The following PPP1R9B variants were observed in gnomAD, a reference collection of about 807,000 sequenced individuals.
The protein encoded by PPP1R9B is protein phosphatase 1 regulatory subunit 9B.
Under a neutral mutation model 75.8 loss-of-function variants are expected in PPP1R9B, and 17 were observed. The observed-to-expected ratio is 0.22, with a 90% CI of 0.15 to 0.34. The LOEUF (loss-of-function observed/expected upper bound fraction) is 0.34. Among genes scored for constraint, PPP1R9B ranks in the 10% least tolerant of loss-of-function variants. The pLI, the probability that PPP1R9B is intolerant of heterozygous loss-of-function variation, is 1.00. For missense variants in PPP1R9B, 875 were observed against 1,196.0 expected (o/e 0.73, Z 3.96); for synonymous variants, 509 against 535.4 (o/e 0.95, Z 0.68).
intron 1 of PPP1R9B, chr17:50,146,127 C>T (rs1912512532): frequency 6.6e-6 from 1 of 152,466 alleles, no homozygotes; most frequent in Non-Finnish European, 1.5e-5. Context: ...TCTCCTGTAC[C>T]CCTCTGTTGT....
rs1024207306 is a variant in PPP1R9B at position 50,150,281 on chromosome 17, G to A, written c.233C>T (p.Ala78Val). Residue 78 changes from alanine (A) to valine (V), a missense_variant, in exon 1 of 10, where the codon GCG becomes GTG. Physicochemically the swap from Ala to Val is moderately conservative, Grantham distance 64. Transcript: ENST00000612501. The surrounding 1 kb of genome is among the most constrained non-coding windows in gnomAD (Gnocchi z 8.7). ...CGCCCGTGGGGCCTCGGCCAGGCCC[G>A]CGCCGCCGCCCGCCTCGCCCGAGGG... ...AGPSGEAGGG[A>V]GLAEAPRASE... 1.4e-6 allele frequency: 2 copies of A among 1,420,236 alleles called. No homozygotes were observed. Among genetic ancestry groups the A allele is most frequent in the Non-Finnish European group, 9.2e-7 (1 of 1,084,690 alleles). The allele number at this position is 1,420,236 out of a possible 1,614,324, so 88.0% of individuals were successfully genotyped here.
At chr17:50,145,640 G>A (rs1311601586) in intron 1 of PPP1R9B, among the ~76,000 whole-genome samples, 1 of 152,022 alleles carries the variant, frequency 6.6e-6, no homozygotes, top group Non-Finnish European at 1.5e-5. Context: ...CACAAAGACA[G>A]ACACAGAGAG....
chr17:50,149,112 G>C lies in PPP1R9B; in HGVS notation c.1371+31C>G. The C allele has an allele frequency of 7.3e-7, 1 of 1,376,720 alleles. No individual in the cohort carries two copies. The highest frequency in any genetic ancestry group is 9.4e-7 in the Non-Finnish European group (1 of 1,062,036). The allele number at this position is 1,376,720 out of a possible 1,614,324, so 85.3% of individuals were successfully genotyped here. On this transcript the variant is annotated intron_variant, in intron 1 of 9. Coordinates refer to ENST00000612501, the MANE Select transcript of PPP1R9B (RefSeq NM_032595.5). The surrounding 1 kb of genome is among the most constrained non-coding windows in gnomAD (Gnocchi z 7.2). Reference sequence around the variant, plus strand: ...CGGCCGCGTGCACGTGGCAGGGGCGGCGCGGGGGCAGGGCGGGGGGGCTCA... The same window carrying C: ...CGGCCGCGTGCACGTGGCAGGGGCGCCGCGGGGGCAGGGCGGGGGGGCTCA...
At position 50,139,586 on chromosome 17, in the gene PPP1R9B, G is replaced by A. The variant is rs201203469; in HGVS notation, c.1867-5C>T. 249 of 1,538,632 alleles carry A rather than the reference G, an allele frequency of 1.6e-4. No homozygotes were observed. Among genetic ancestry groups the A allele is most frequent in the Middle Eastern group, 7.1e-4 (4 of 5,670 alleles). ...GTCAGTGGCATACTCTCCCGTCTGCGAAGGGAGACCGGAGACTGTGGGCCC... is the reference window on the plus strand; with the variant it reads ...GTCAGTGGCATACTCTCCCGTCTGCAAAGGGAGACCGGAGACTGTGGGCCC... On this transcript the variant is annotated splice_region_variant and splice_polypyrimidine_tract_variant and intron_variant, in intron 5 of 9. Coordinates refer to ENST00000612501, the MANE Select transcript of PPP1R9B (RefSeq NM_032595.5). The surrounding 1 kb of genome is among the most constrained non-coding windows in gnomAD (Gnocchi z 5.0).
rs369039380 is a variant in PPP1R9B, at chr17:50,141,413, G to A, written c.1626-40C>T. On this transcript the variant is annotated intron_variant, in intron 3 of 9. Coordinates refer to ENST00000612501, the MANE Select transcript of PPP1R9B (RefSeq NM_032595.5). ...TTGGTTAAGGGGTCACAGGGGAACC[G>A]AGGAGCGAGGGTAGAGGTAGCCTCC... 2.4e-5 allele frequency: 34 copies of A among 1,411,906 alleles called. No homozygotes were observed. The Admixed American group carries it at 3.2e-4, about 13-fold the overall frequency. The allele number at this position is 1,411,906 out of a possible 1,614,324, so 87.5% of individuals were successfully genotyped here.
Position 50,143,858 on chromosome 17 carries a change from G to C in PPP1R9B, c.1505-140C>G. On this transcript the variant is annotated intron_variant, in intron 2 of 9. Coordinates refer to ENST00000612501, the MANE Select transcript of PPP1R9B (RefSeq NM_032595.5). ...GTCCCACAACTGAAGAAGGGATATA[G>C]TTCTGTCCACCGTCTTTGCCAAGTC... The C allele has an allele frequency of 3.2e-6, 4 of 1,240,268 alleles. No homozygotes were observed. The South Asian group carries it at 5.4e-5, about 17-fold the overall frequency. 76.8% of individuals were successfully genotyped at this position (1,240,268 alleles called of 1,614,324 possible). A position where few individuals can be genotyped will look rare whatever the true frequency, so the allele number is the denominator to read the frequency against.
At chr17:50,141,203 G>A in intron 4 of PPP1R9B, 66 bp downstream of exon 4, 1 of 1,063,904 alleles carries the variant, frequency 9.4e-7, no homozygotes, top group Non-Finnish European at 1.4e-6. Flanking sequence ...TGTTAAGGCA[G>A]GTGAACGGAG....
intron 2 of PPP1R9B, among the ~76,000 whole-genome samples, chr17:50,144,610 C>T (rs924282185): frequency 6.6e-6 from 1 of 152,220 alleles, no homozygotes; most frequent in Non-Finnish European, 1.5e-5. Flanking sequence ...CCTAATTCCT[C>T]CTCACCAGAG....
rs1249151609 is a variant in PPP1R9B at position 50,149,262 on chromosome 17, C to T, written c.1252G>A (p.Glu418Lys). 1.9e-6 allele frequency: 3 copies of T among 1,612,680 alleles called. No homozygotes were observed. The highest frequency in any genetic ancestry group is 1.6e-4 in the Middle Eastern group (1 of 6,082). Reference protein sequence around the residue: ...SALEEDDEDDEEDGEPPYEPE... With the variant: ...SALEEDDEDDKEDGEPPYEPE... ...TCGTAGGGGGGCTCCCCATCCTCCTCGTCGTCTTCGTCGTCCTCCTCCAGG... is the reference window on the plus strand; with the variant it reads ...TCGTAGGGGGGCTCCCCATCCTCCTTGTCGTCTTCGTCGTCCTCCTCCAGG... The change falls in exon 1 of 10, where the codon GAG (glutamate) becomes AAG (lysine). Residue 418 changes from glutamate to lysine, a missense_variant. By Grantham distance (56) the Glu-to-Lys change is moderately conservative (BLOSUM62 1). Coordinates refer to ENST00000612501, the MANE Select transcript of PPP1R9B (RefSeq NM_032595.5). This position sits in a 1 kb window ranked among gnomAD's most constrained non-coding sequence, Gnocchi z 7.2.
rs546249449 is a variant in PPP1R9B at position 50,149,006 on chromosome 17, G to A, written c.1371+137C>T. On this transcript the variant is annotated intron_variant, in intron 1 of 9. Transcript: ENST00000612501. The surrounding 1 kb of genome is among the most constrained non-coding windows in gnomAD (Gnocchi z 7.2). ...GGAACTCCCCCACGCCCCCCTGAGG[G>A]TGGGAACTTCTGGGAAGGGGGCTGG... is the stretch of plus-strand genomic sequence containing the variant. 63 of 590,570 alleles carry A rather than the reference G, an allele frequency of 1.1e-4. No individual in the cohort carries two copies. In the African/African-American group the frequency reaches 1.1e-3, roughly 11 times the overall value. The allele number at this position is 590,570 out of a possible 1,614,324, so 36.6% of individuals were successfully genotyped here.
At position 50,148,221 on chromosome 17, in the gene PPP1R9B, A is replaced by G. The variant is rs550544232; in HGVS notation, c.1371+922T>C. ...AAGCTCTGGCACAACCCACAAACCAACCACCAATAGTGGCCGTGGGGATGA... is the reference window on the plus strand; with the variant it reads ...AAGCTCTGGCACAACCCACAAACCAGCCACCAATAGTGGCCGTGGGGATGA... On this transcript the variant is annotated intron_variant, in intron 1 of 9. Coordinates refer to ENST00000612501, the MANE Select transcript of PPP1R9B (RefSeq NM_032595.5). Among the ~76,000 whole-genome samples, 17 of 152,350 alleles carry G rather than the reference A, an allele frequency of 1.1e-4. No homozygotes were observed. The South Asian group carries it at 3.3e-3, about 30-fold the overall frequency.
chr17:50,138,208 C>CATCTGGGGTCGGCATCAGCACCTCT, intron 7 of PPP1R9B, among the ~76,000 whole-genome samples: 1 of 146,230 alleles, frequency 6.8e-6, no homozygotes, highest in South Asian at 2.2e-4. Context: ...CACGTGTCTC[C>CATCTGGGGTCGGCATCAGCACCTCT]ATCTGGGGTC....
Position 50,139,654 on chromosome 17 carries a change from C to G in PPP1R9B, c.1867-73G>C. 1 of 1,477,688 alleles carries G rather than the reference C, an allele frequency of 6.8e-7. No individual in the cohort carries two copies. The highest frequency in any genetic ancestry group is 9.0e-7 in the Non-Finnish European group (1 of 1,105,740). The allele number at this position is 1,477,688 out of a possible 1,614,324, so 91.5% of individuals were successfully genotyped here. A position where few individuals can be genotyped will look rare whatever the true frequency, so the allele number is the denominator to read the frequency against. The stretch of plus-strand genomic sequence containing the variant: ...TCAGCCCTGATGACCAGGGCTGGGA[C>G]CAGTTGCCCATGCCAGACAGAGAGC... On this transcript the variant is annotated intron_variant, in intron 5 of 9. Transcript: ENST00000612501. The surrounding 1 kb of genome is among the most constrained non-coding windows in gnomAD (Gnocchi z 5.0).
intron 3 of PPP1R9B, among the ~76,000 whole-genome samples, chr17:50,141,655 C>A: frequency 6.8e-6 from 1 of 146,836 alleles, no homozygotes; most frequent in South Asian, 2.2e-4. Flanking sequence ...AGAGTAAGAC[C>A]CTGCCTCAAA....
At position 50,140,638 on chromosome 17, in the gene PPP1R9B, G is replaced by A. The variant is rs776034627; in HGVS notation, c.1731-410C>T. ...AAGCCCCTGAGCTTCAGGAAGGGGC[G>A]GGATGATGGCAACTGGAGATTAGGA... On this transcript the variant is annotated intron_variant, in intron 4 of 9. Transcript: ENST00000612501. Among the ~76,000 whole-genome samples the A allele has an allele frequency of 1.5e-4, 23 of 152,316 alleles. No individual in the cohort carries two copies. In the South Asian group the frequency reaches 3.7e-3, roughly 25 times the overall value.
In PPP1R9B at chr17:50,136,277, G is replaced by C; in HGVS notation, c.2074-80C>G. On this transcript the variant is annotated intron_variant, in intron 7 of 9. Coordinates refer to ENST00000612501, the MANE Select transcript of PPP1R9B (RefSeq NM_032595.5). Reference sequence around the variant, plus strand: ...TACCCCCATCCTAGCACTGGGGCCAGAGTCGCCAGGGGATTCCTACCGTTG... The same window carrying C: ...TACCCCCATCCTAGCACTGGGGCCACAGTCGCCAGGGGATTCCTACCGTTG... 3.3e-6 allele frequency: 4 copies of C among 1,194,684 alleles called. No homozygotes were observed. In the South Asian group the frequency reaches 5.7e-5, roughly 17 times the overall value. 74.0% of individuals were successfully genotyped at this position (1,194,684 alleles called of 1,614,324 possible). A position where few individuals can be genotyped will look rare whatever the true frequency, so the allele number is the denominator to read the frequency against.
chr17:50,141,607 G>A (rs1437408171), intron 3 of PPP1R9B, among the ~76,000 whole-genome samples: 2 of 149,894 alleles, frequency 1.3e-5, no homozygotes, highest in Admixed American at 6.7e-5. Context: ...AGGCTGCAGT[G>A]AGCTGTGTTT....
Position 50,140,199 on chromosome 17 carries a change from T to C in PPP1R9B, c.1760A>G (p.Glu587Gly). Residue 587 changes from glutamate (E) to glycine (G), a missense_variant, in exon 5 of 10, where the codon GAG becomes GGG. Glu to Gly is a moderately conservative substitution (Grantham distance 98, BLOSUM62 -2). This residue lies in a region of PPP1R9B where 218 missense variants were observed against 334.6 expected (regional missense o/e 0.65). Coordinates refer to ENST00000612501, the MANE Select transcript of PPP1R9B (RefSeq NM_032595.5). ...AATTAGCTGGGCCACTTCGCTCTGC[T>C]CTCCCGGCCGCTCCCGGCCAATCAT... is the stretch of plus-strand genomic sequence containing the variant. ...RFMIGRERPGEQSEVAQLIQQ... is the reference protein window; with the variant it reads ...RFMIGRERPGGQSEVAQLIQQ... The C allele has an allele frequency of 6.2e-7, 1 of 1,605,206 alleles. No individual in the cohort carries two copies. The highest frequency in any genetic ancestry group is 8.5e-7 in the Non-Finnish European group (1 of 1,176,058).
chr17:50,137,923 C>T (rs1054409659), intron 7 of PPP1R9B, among the ~76,000 whole-genome samples: 3 of 152,220 alleles, frequency 2.0e-5, no homozygotes. Flanking sequence ...CAAACCCTGG[C>T]CTCCTCTCCT....
Sources: allele counts gnomAD v4.1 joint callset (sites outside exome capture counted in the v4.1 genomes callset), GRCh38; gene constraint gnomAD v4.1.1; regional missense constraint gnomAD v4.1.1; non-coding constraint Gnocchi (gnomAD v3.1); transcripts MANE v1.5; gene names NCBI Gene and HGNC (gene_info 2026-07-23, HGNC 2026-07-21).